The following RIMBP2 variants were observed in gnomAD, a reference collection of about 807,000 sequenced individuals.
RIMBP2 encodes the protein RIMS-binding protein 2.
In RIMBP2, 48 loss-of-function variants were observed where a neutral mutation model predicts 118.6. The ratio of observed to expected loss-of-function variants is 0.40; its 90% confidence interval spans 0.32 to 0.51. The LOEUF (loss-of-function observed/expected upper bound fraction) is 0.51. RIMBP2 is among the 20% of genes least tolerant of loss of function. The pLI, the probability that RIMBP2 is intolerant of heterozygous loss-of-function variation, is 0.41. For missense variants in RIMBP2, 1,551 were observed against 1,768.3 expected (o/e 0.88, Z 2.20); for synonymous variants, 762 against 742.9 (o/e 1.03, Z -0.42).
intron 2 of RIMBP2, among the ~76,000 whole-genome samples, chr12:130,614,155 G>A (rs971617816): frequency 6.6e-5 from 10 of 152,308 alleles, no homozygotes; most frequent in African/African-American, 1.7e-4. Flanking sequence ...ACAGTTGCAC[G>A]TATACTATGT....
intron 14 of RIMBP2, among the ~76,000 whole-genome samples, chr12:130,432,500 T>G (rs1188606805): frequency 6.6e-6 from 1 of 152,192 alleles, no homozygotes; most frequent in Non-Finnish European, 1.5e-5. Flanking sequence ...ATTCAGAAGT[T>G]GAAACCTTAA....
At chr12:130,633,852 G>T (rs1236312497) in intron 1 of RIMBP2, 1 of 152,258 alleles carries the variant, frequency 6.6e-6, no homozygotes, top group Non-Finnish European at 1.5e-5. Context: ...ACTGGTCCAG[G>T]CCTCCCCGCC....
At chr12:130,421,689 A>ATGTGTGTGTGTGTGTGTGTGTGTGTG (rs1336875443) in intron 17 of RIMBP2, among the ~76,000 whole-genome samples, 1 of 106,954 alleles carries the variant, frequency 9.3e-6, no homozygotes, top group African/African-American at 5.2e-5. Flanking sequence ...CCCTGCATTT[A>ATGTGTGTGTGTGTGTGTGTGTGTGTG]TATGTGTGTG....
At chr12:130,695,780 T>G (rs1298401507) in intron 1 of RIMBP2, among the ~76,000 whole-genome samples, 1 of 152,048 alleles carries the variant, frequency 6.6e-6, no homozygotes, top group Non-Finnish European at 1.5e-5. Context: ...CAGGCTGGTC[T>G]GGACTAAGGA....
rs1408013205 is a variant in RIMBP2 at position 130,511,727 on chromosome 12, T to G, written c.-126-4957A>C. Among the ~76,000 whole-genome samples, 2 of 152,164 alleles carry G rather than the reference T, an allele frequency of 1.3e-5. No individual in the cohort carries two copies. Among genetic ancestry groups the G allele is most frequent in the Non-Finnish European group, 2.9e-5 (2 of 68,048 alleles). On this transcript the variant is annotated intron_variant, in intron 3 of 22. Transcript: ENST00000690449. This position sits in a 1 kb window ranked among gnomAD's most constrained non-coding sequence, Gnocchi z 4.3. ...CAGAAATCTCTAGAGGACAATGACC[T>G]TTCATGAAACAGAGCTTCGTGAGAA...
intron 5 of RIMBP2, among the ~76,000 whole-genome samples, chr12:130,474,212 C>T (rs1461014532): frequency 2.0e-5 from 3 of 152,144 alleles, no homozygotes; most frequent in African/African-American, 4.8e-5. Context: ...CCTCCTTATC[C>T]GTCACATGGA....
chr12:130,632,561 T>C (rs772401041), intron 1 of RIMBP2, among the ~76,000 whole-genome samples: 1 of 152,170 alleles, frequency 6.6e-6, no homozygotes, highest in African/African-American at 2.4e-5. Flanking sequence ...TCAACCACCC[T>C]GTTCTCTTTG....
intron 2 of RIMBP2, among the ~76,000 whole-genome samples, chr12:130,544,013 C>T (rs767700737): frequency 1.3e-5 from 2 of 152,188 alleles, no homozygotes; most frequent in Admixed American, 6.5e-5. Context: ...GATCACTCAT[C>T]TTGGTTTCTG....
chr12:130,637,179 C>A (rs551542039), intron 1 of RIMBP2, among the ~76,000 whole-genome samples: 2 of 152,350 alleles, frequency 1.3e-5, no homozygotes, highest in South Asian at 4.1e-4. Flanking sequence ...GCCTCTGCTG[C>A]CTCATCCTGT....
chr12:130,471,476 G>A (rs1338271238), intron 5 of RIMBP2, among the ~76,000 whole-genome samples: 1 of 152,204 alleles, frequency 6.6e-6, no homozygotes. Context: ...ATGTTTTGAA[G>A]GTCCTTGTAG....
intron 2 of RIMBP2, among the ~76,000 whole-genome samples, chr12:130,544,894 CAGAT>C (rs2054966522): frequency 6.6e-6 from 1 of 152,130 alleles, no homozygotes; most frequent in Non-Finnish European, 1.5e-5. Context: ...CATACTAAGA[CAGAT>C]GGAGAGAGTG....
intron 18 of RIMBP2, among the ~76,000 whole-genome samples, chr12:130,413,612 G>A (rs1224982452): frequency 1.0e-4 from 14 of 139,582 alleles, no homozygotes; most frequent in Admixed American, 7.4e-4. Context: ...CAGCCTGGGT[G>A]ACAGAGCAAG....
intron 21 of RIMBP2, 113 bp downstream of exon 21, chr12:130,406,059 G>A (rs568422211): frequency 7.0e-4 from 486 of 689,984 alleles, no homozygotes; most frequent in Non-Finnish European, 1.0e-3. Flanking sequence ...ATCAGCAGGC[G>A]TATGACGTTC....
chr12:130,614,537 G>A (rs2060777097), intron 2 of RIMBP2, among the ~76,000 whole-genome samples: 1 of 152,120 alleles, frequency 6.6e-6, no homozygotes. Context: ...ACCATCTCTT[G>A]GAGGCGTAAT....
Position 130,621,507 on chromosome 12 carries a change from G to A in RIMBP2, c.-217+6815C>T, listed in dbSNP as rs560998807. Among the ~76,000 whole-genome samples the A allele has an allele frequency of 6.6e-5, 10 of 152,282 alleles. No homozygotes were observed. The highest frequency in any genetic ancestry group is 3.9e-4 in the Admixed American group (6 of 15,300). ...TCAATTACACCTGTCAAGAGCTCCC[G>A]TTTTTGCTGAGGCTAGTTTGAGCTG... On this transcript the variant is annotated intron_variant, in intron 2 of 22. Transcript: ENST00000690449. This position sits in a 1 kb window ranked among gnomAD's most constrained non-coding sequence, Gnocchi z 6.6.
chr12:130,476,779 T>C (rs1323853116), intron 5 of RIMBP2, among the ~76,000 whole-genome samples: 1 of 152,192 alleles, frequency 6.6e-6, no homozygotes, highest in Non-Finnish European at 1.5e-5. Flanking sequence ...ACTGACTTGT[T>C]CGTCTTCCTT....
chr12:130,703,545 G>A lies in RIMBP2; in HGVS notation c.-352+12677C>T, dbSNP rs571448784. On this transcript the variant is annotated intron_variant, in intron 1 of 22. Coordinates refer to ENST00000690449, the MANE Select transcript of RIMBP2 (RefSeq NM_001393629.1). This position sits in a 1 kb window ranked among gnomAD's most constrained non-coding sequence, Gnocchi z 5.7. Reference sequence around the variant, plus strand: ...CCGGTGCTCAGCTCAGGGCTGAGCCGCAGTCTGAGGGCCGGGCCCTGGCAT... The same window carrying A: ...CCGGTGCTCAGCTCAGGGCTGAGCCACAGTCTGAGGGCCGGGCCCTGGCAT... 6.6e-6 allele frequency among the ~76,000 whole-genome samples: 1 copy of A among 152,244 alleles called. No homozygotes were observed. Among genetic ancestry groups the A allele is most frequent in the African/African-American group, 2.4e-5 (1 of 41,554 alleles).
At chr12:130,476,380 C>G (rs542749694) in intron 5 of RIMBP2, among the ~76,000 whole-genome samples, 3 of 152,122 alleles carry the variant, frequency 2.0e-5, no homozygotes, top group Non-Finnish European at 2.9e-5. Flanking sequence ...TTGGAGAGTC[C>G]AAAGACGACT....
At chr12:130,533,581 T>C (rs752727167) in intron 2 of RIMBP2, among the ~76,000 whole-genome samples, 3 of 152,142 alleles carry the variant, frequency 2.0e-5, no homozygotes, top group Non-Finnish European at 2.9e-5. Flanking sequence ...GGAAAACAAA[T>C]CATTGTATCA....
Sources: gnomAD v4.1 joint callset for allele counts (sites outside exome capture counted in the v4.1 genomes callset) on GRCh38, gnomAD v4.1.1 for gene constraint, Gnocchi (gnomAD v3.1) non-coding constraint, MANE v1.5 for transcripts, NCBI Gene and HGNC (gene_info 2026-07-23, HGNC 2026-07-21) for gene names.